Variants in SLC7A5 observed in about 807,000 individuals in gnomAD.
The protein encoded by SLC7A5 is large neutral amino acids transporter small subunit 1.
SLC7A5 carries 23 observed loss-of-function variants against 50.2 expected under a neutral mutation model. That is an observed-to-expected ratio of 0.46 (90% confidence interval 0.33 to 0.65). SLC7A5 has a LOEUF of 0.65. Among genes scored for constraint, SLC7A5 ranks in the 30% least tolerant of loss-of-function variants. The pLI is 0.02. For missense variants in SLC7A5, 578 were observed against 684.4 expected (o/e 0.84, Z 1.73); for synonymous variants, 393 against 330.6 (o/e 1.19, Z -2.05).
In SLC7A5 at chr16:87,869,484, G is replaced by A. The variant is rs33968272; in HGVS notation, c.-62C>T. On this transcript the variant is annotated 5_prime_UTR_variant, in exon 1 of 10. Coordinates refer to ENST00000261622, the MANE Select transcript of SLC7A5 (RefSeq NM_003486.7). ...CCGCGGCCCAGCGAGCAGTGTGCGCGCCGCCCGCCGCCCGCAGCTGCGTCA... is the reference window on the plus strand; with the variant it reads ...CCGCGGCCCAGCGAGCAGTGTGCGCACCGCCCGCCGCCCGCAGCTGCGTCA... 232 of 1,131,696 alleles carry A rather than the reference G, an allele frequency of 2.1e-4. No individual in the cohort carries two copies. The East Asian group carries it at 6.1e-3, about 30-fold the overall frequency. 70.1% of individuals were successfully genotyped at this position (1,131,696 alleles called of 1,614,324 possible).
chr16:87,865,943 C>T (rs1237756085), intron 1 of SLC7A5, among the ~76,000 whole-genome samples: 2 of 152,152 alleles, frequency 1.3e-5, no homozygotes, highest in Non-Finnish European at 2.9e-5. Flanking sequence ...ATCGTTTAAA[C>T]CCAGGAAGCA....
chr16:87,837,464 T>C, intron 7 of SLC7A5: 1 of 276,590 alleles, frequency 3.6e-6, no homozygotes, highest in East Asian at 8.0e-5. Context: ...ACAAAGGCAG[T>C]CACGCGGGCT....
At chr16:87,859,352 C>T (rs1229865579) in intron 1 of SLC7A5, among the ~76,000 whole-genome samples, 1 of 152,196 alleles carries the variant, frequency 6.6e-6, no homozygotes, top group Non-Finnish European at 1.5e-5. Context: ...ACATGAGAGC[C>T]GTGGACAGAA....
At chr16:87,845,024 A>G (rs2055132876) in intron 2 of SLC7A5, among the ~76,000 whole-genome samples, 1 of 152,072 alleles carries the variant, frequency 6.6e-6, no homozygotes, top group Non-Finnish European at 1.5e-5. Flanking sequence ...AGCCAGAGCC[A>G]GCCCAGGATG....
intron 1 of SLC7A5, among the ~76,000 whole-genome samples, chr16:87,864,681 C>T (rs996006638): frequency 2.0e-5 from 3 of 152,238 alleles, no homozygotes; most frequent in South Asian, 2.1e-4. Flanking sequence ...GGGTCCCAGC[C>T]GCTTATAGGC....
chr16:87,843,926 C>T (rs781568620), intron 2 of SLC7A5, among the ~76,000 whole-genome samples: 51 of 152,146 alleles, frequency 3.4e-4, no homozygotes, highest in Non-Finnish European at 1.9e-4. Flanking sequence ...TAGACTCGGG[C>T]GTGGTCCTGG....
intron 8 of SLC7A5, among the ~76,000 whole-genome samples, 179 bp downstream of exon 8, chr16:87,836,318 AC>A (rs2055002705): frequency 6.6e-6 from 1 of 152,352 alleles, no homozygotes; most frequent in East Asian, 1.9e-4. Flanking sequence ...CTGCAGTCAC[AC>A]TTGGCACCCT....
At chr16:87,837,076 G>A (rs2055016095) in intron 7 of SLC7A5, among the ~76,000 whole-genome samples, 1 of 152,252 alleles carries the variant, frequency 6.6e-6, no homozygotes, top group South Asian at 2.1e-4. Flanking sequence ...CGAGGACCGT[G>A]CAGCTGCCAA....
At position 87,833,550 on chromosome 16, in the gene SLC7A5, G is replaced by A. The variant is rs2143698339; in HGVS notation, c.1469-525C>T. On this transcript the variant is annotated intron_variant, in intron 9 of 9. Coordinates refer to ENST00000261622, the MANE Select transcript of SLC7A5 (RefSeq NM_003486.7). The surrounding 1 kb of genome is among the most constrained non-coding windows in gnomAD (Gnocchi z 6.0). ...CGGGGGTTTGCTTTAAGCTCTTGGT[G>A]TCCTGAATGACAGTTAATGCAGATC... 6.6e-6 allele frequency among the ~76,000 whole-genome samples: 1 copy of A among 152,340 alleles called. No homozygotes were observed. The highest frequency in any genetic ancestry group is 1.9e-4 in the East Asian group (1 of 5,184).
rs55752516 is a variant in SLC7A5 at position 87,866,305 on chromosome 16, A to G, written c.538+2580T>C. ...TTGTAACAGAAGCAGCTCCGGAAGCATACACTGTCAGCCGCAGAAACTCTG... is the reference window on the plus strand; with the variant it reads ...TTGTAACAGAAGCAGCTCCGGAAGCGTACACTGTCAGCCGCAGAAACTCTG... On this transcript the variant is annotated intron_variant, in intron 1 of 9. Coordinates refer to ENST00000261622, the MANE Select transcript of SLC7A5 (RefSeq NM_003486.7). Among the ~76,000 whole-genome samples the G allele has an allele frequency of 8.0e-3, 1,212 of 152,296 alleles. 8 individuals are homozygous for G. Among genetic ancestry groups the G allele is most frequent in the Admixed American group, 0.013 (193 of 15,292 alleles).
chr16:87,837,991 A>C lies in SLC7A5; in HGVS notation c.1044-50T>G. Reference sequence around the variant, plus strand: ...GTCAGCCACCGCCCCACAACTCAGCACGTGGACAGGGGACACGCAGGCTGG... The same window carrying C: ...GTCAGCCACCGCCCCACAACTCAGCCCGTGGACAGGGGACACGCAGGCTGG... On this transcript the variant is annotated intron_variant, in intron 6 of 9. Coordinates refer to ENST00000261622, the MANE Select transcript of SLC7A5 (RefSeq NM_003486.7). 4 of 1,399,742 alleles carry C rather than the reference A, an allele frequency of 2.9e-6. No homozygotes were observed. In the South Asian group the frequency reaches 3.7e-5, roughly 13 times the overall value. 86.7% of individuals were successfully genotyped at this position (1,399,742 alleles called of 1,614,324 possible).
intron 2 of SLC7A5, among the ~76,000 whole-genome samples, chr16:87,845,698 G>A (rs1212564680): frequency 2.0e-5 from 3 of 152,288 alleles, no homozygotes; most frequent in Admixed American, 6.5e-5. Context: ...AGTGTCTGTC[G>A]GTCTTGGAAA....
At chr16:87,857,847 G>A (rs2055340642) in intron 1 of SLC7A5, among the ~76,000 whole-genome samples, 1 of 152,160 alleles carries the variant, frequency 6.6e-6, no homozygotes, top group African/African-American at 2.4e-5. Context: ...GCTGAGTTAC[G>A]CCCAACCACA....
chr16:87,857,854 C>T (rs1284426261), intron 1 of SLC7A5, among the ~76,000 whole-genome samples: 1 of 152,218 alleles, frequency 6.6e-6, no homozygotes, highest in East Asian at 1.9e-4. Context: ...TACGCCCAAC[C>T]ACACTGTCCT....
At chr16:87,834,007 C>T (rs2054965157) in intron 9 of SLC7A5, among the ~76,000 whole-genome samples, 1 of 152,164 alleles carries the variant, frequency 6.6e-6, no homozygotes, top group Non-Finnish European at 1.5e-5. Context: ...GTGTGTGCCA[C>T]TACACCCAGC....
rs1385831311 is a variant in SLC7A5, at chr16:87,832,000, T to G, written c.*970A>C. 6.5e-6 allele frequency: 1 copy of G among 152,778 alleles called. No individual in the cohort carries two copies. Among genetic ancestry groups the G allele is most frequent in the Non-Finnish European group, 1.5e-5 (1 of 68,516 alleles). The allele number at this position is 152,778 out of a possible 1,614,324, so 9.5% of individuals were successfully genotyped here. A position where few individuals can be genotyped will look rare whatever the true frequency, so the allele number is the denominator to read the frequency against. On this transcript the variant is annotated 3_prime_UTR_variant, in exon 10 of 10. Coordinates refer to ENST00000261622, the MANE Select transcript of SLC7A5 (RefSeq NM_003486.7). ...GAACCCAGCACCGGCCAGAAGGGGC[T>G]GCCGGGCGGTACAGAGGCCAATGCA...
chr16:87,839,275 C>T (rs144083930), intron 5 of SLC7A5, among the ~76,000 whole-genome samples: 1 of 152,274 alleles, frequency 6.6e-6, no homozygotes, highest in Non-Finnish European at 1.5e-5. Context: ...GGCTGAGCTG[C>T]CCGGTGACAC....
intron 2 of SLC7A5, among the ~76,000 whole-genome samples, chr16:87,843,559 T>C (rs1227633689): frequency 6.6e-6 from 1 of 151,806 alleles, no homozygotes; most frequent in Non-Finnish European, 1.5e-5. Context: ...ACTCATCCAG[T>C]GACTCCACGC....
rs556393698 is a variant in SLC7A5 at position 87,861,476 on chromosome 16, C to T, written c.538+7409G>A. ...CTCAGTGTAGAGGTGGGCACTGTGG[C>T]CCCTGGCTCCTGGCTCGCTCCTGCC... On this transcript the variant is annotated intron_variant, in intron 1 of 9. Coordinates refer to ENST00000261622, the MANE Select transcript of SLC7A5 (RefSeq NM_003486.7). This position sits in a 1 kb window ranked among gnomAD's most constrained non-coding sequence, Gnocchi z 4.2. Among the ~76,000 whole-genome samples the T allele has an allele frequency of 8.5e-5, 13 of 152,260 alleles. No homozygotes were observed. In the East Asian group the frequency reaches 2.3e-3, roughly 27 times the overall value.
Sources: allele counts gnomAD v4.1 joint callset (sites outside exome capture counted in the v4.1 genomes callset), GRCh38; gene constraint gnomAD v4.1.1; non-coding constraint Gnocchi (gnomAD v3.1); transcripts MANE v1.5; gene names NCBI Gene and HGNC (gene_info 2026-07-23, HGNC 2026-07-21).